The following EPHA6 variants were observed in gnomAD, a reference collection of about 807,000 sequenced individuals.
EPHA6 encodes the protein ephrin type-A receptor 6.
Under a neutral mutation model 112.0 loss-of-function variants are expected in EPHA6, and 50 were observed. That is an observed-to-expected ratio of 0.45 (90% confidence interval 0.36 to 0.56). The LOEUF (loss-of-function observed/expected upper bound fraction) is 0.56, where lower values mean the gene tolerates loss of function less well. Ranked by LOEUF, EPHA6 falls within the 20% of genes least tolerant of loss-of-function variation. The probability of loss-of-function intolerance (pLI) is 0.00; values close to 1 mark genes in which losing one functional copy is unlikely to be tolerated. For synonymous variants in EPHA6, 529 were observed against 490.7 expected (o/e 1.08, Z -1.03); for missense variants, 1,280 against 1,417.4 (o/e 0.90, Z 1.56).
At chr3:96,970,287 C>T (rs567378317) in intron 2 of EPHA6, among the ~76,000 whole-genome samples, 30 of 147,678 alleles carry the variant, frequency 2.0e-4, no homozygotes, top group African/African-American at 6.9e-4. Flanking sequence ...ACACACAGAG[C>T]GAGAGAGAGA....
intron 2 of EPHA6, among the ~76,000 whole-genome samples, chr3:96,936,669 T>A (rs985295638): frequency 2.0e-5 from 3 of 152,116 alleles, no homozygotes; most frequent in Admixed American, 6.6e-5. Context: ...GCAGGTTTGT[T>A]ACATACGTAC....
intron 12 of EPHA6, among the ~76,000 whole-genome samples, chr3:97,596,354 A>G (rs1299707915): frequency 6.6e-6 from 1 of 152,208 alleles, no homozygotes; most frequent in Non-Finnish European, 1.5e-5. Context: ...GTCTTAGACT[A>G]GTGGATCACA....
intron 5 of EPHA6, among the ~76,000 whole-genome samples, chr3:97,351,511 A>G (rs989151543): frequency 1.2e-4 from 18 of 152,240 alleles, no homozygotes; most frequent in African/African-American, 4.1e-4. Flanking sequence ...AAGTTTTATC[A>G]TATTCAATTT....
intron 10 of EPHA6, among the ~76,000 whole-genome samples, chr3:97,484,420 C>A (rs947118173): frequency 6.6e-6 from 1 of 152,038 alleles, no homozygotes; most frequent in East Asian, 1.9e-4. Context: ...TGACCATGAG[C>A]CTCTGCAAGA....
intron 2 of EPHA6, among the ~76,000 whole-genome samples, chr3:96,881,440 TGA>T (rs2107510298): frequency 1.3e-5 from 2 of 152,284 alleles, no homozygotes; most frequent in African/African-American, 4.8e-5. Context: ...TCAGGTCTCC[TGA>T]GACTTATTCA....
intron 11 of EPHA6, among the ~76,000 whole-genome samples, chr3:97,584,231 A>G (rs533144767): frequency 2.0e-4 from 31 of 152,308 alleles, no homozygotes; most frequent in African/African-American, 7.0e-4. Context: ...TTGAGCTCCT[A>G]CCATGCACAA....
chr3:96,903,796 G>A (rs1273037168), intron 2 of EPHA6, among the ~76,000 whole-genome samples: 1 of 152,070 alleles, frequency 6.6e-6, no homozygotes, highest in Non-Finnish European at 1.5e-5. Context: ...AGTGGGCAAA[G>A]GAAATGAATA....
At chr3:97,460,423 A>G (rs976947840) in intron 7 of EPHA6, among the ~76,000 whole-genome samples, 4 of 152,226 alleles carry the variant, frequency 2.6e-5, no homozygotes, top group African/African-American at 4.8e-5. Flanking sequence ...CCCATTCTGT[A>G]CATACTCAGG....
intron 4 of EPHA6, among the ~76,000 whole-genome samples, chr3:97,230,624 C>T (rs1299059473): frequency 6.6e-6 from 1 of 152,096 alleles, no homozygotes. Context: ...TTAGTTGAGA[C>T]AGACTCCAGT....
At chr3:97,008,650 T>C (rs148032809) in intron 3 of EPHA6, among the ~76,000 whole-genome samples, 1 of 152,348 alleles carries the variant, frequency 6.6e-6, no homozygotes, top group African/African-American at 2.4e-5. Context: ...TTCTGTGCCC[T>C]TGATGGAGAG....
At chr3:97,522,357 T>C (rs1170094720) in intron 10 of EPHA6, among the ~76,000 whole-genome samples, 1 of 152,214 alleles carries the variant, frequency 6.6e-6, no homozygotes, top group Non-Finnish European at 1.5e-5. Flanking sequence ...CATTTATTGG[T>C]TTTGGTAAGT....
At chr3:97,651,805 A>C (rs2094109234) in intron 14 of EPHA6, among the ~76,000 whole-genome samples, 1 of 152,134 alleles carries the variant, frequency 6.6e-6, no homozygotes, top group African/African-American at 2.4e-5. Flanking sequence ...ACAGAAAAAA[A>C]GACAAAGTAA....
chr3:97,334,150 C>T (rs2082939875), intron 5 of EPHA6, among the ~76,000 whole-genome samples: 1 of 151,864 alleles, frequency 6.6e-6, no homozygotes, highest in Admixed American at 6.6e-5. Flanking sequence ...GGAAGAAATC[C>T]CACCTGGTCG....
At chr3:97,041,847 A>G (rs982857447) in intron 3 of EPHA6, among the ~76,000 whole-genome samples, 3 of 152,022 alleles carry the variant, frequency 2.0e-5, no homozygotes, top group East Asian at 1.9e-4. Context: ...CTCACTCACT[A>G]TCATGCGAAC....
intron 11 of EPHA6, among the ~76,000 whole-genome samples, chr3:97,550,606 A>C (rs1398552263): frequency 6.6e-6 from 1 of 152,196 alleles, no homozygotes; most frequent in Non-Finnish European, 1.5e-5. Context: ...TTCTGCAAGA[A>C]TTAAAACATC....
chr3:97,380,582 C>A (rs1470396832), intron 5 of EPHA6, among the ~76,000 whole-genome samples: 1 of 152,076 alleles, frequency 6.6e-6, no homozygotes, highest in Non-Finnish European at 1.5e-5. Context: ...TGGAAACAGT[C>A]TGAGATATAC....
intron 3 of EPHA6, among the ~76,000 whole-genome samples, chr3:97,019,325 T>C (rs528325224): frequency 2.0e-5 from 3 of 152,318 alleles, no homozygotes; most frequent in Admixed American, 1.3e-4. Context: ...TGGGTGCTTC[T>C]TTCTGTGGCC....
rs146775260 is a variant in EPHA6, at chr3:97,604,261, C to G, written c.2513-6532C>G. 2.9e-4 allele frequency among the ~76,000 whole-genome samples: 44 copies of G among 151,774 alleles called. No individual in the cohort carries two copies. The East Asian group carries it at 6.4e-3, about 22-fold the overall frequency. On this transcript the variant is annotated intron_variant, in intron 12 of 17. Coordinates refer to ENST00000389672, the MANE Select transcript of EPHA6 (RefSeq NM_001080448.3). ...ACTTGTCCAAAGGGGAAAACATCTC[C>G]AATATCAGGCTATGTGACTCTAATC...
chr3:97,063,147 C>T (rs1167861916), intron 3 of EPHA6, among the ~76,000 whole-genome samples: 2 of 152,040 alleles, frequency 1.3e-5, no homozygotes, highest in Non-Finnish European at 2.9e-5. Flanking sequence ...TGTGGCAATT[C>T]CTCAAAGACC....
Sources: allele counts gnomAD v4.1 joint callset (sites outside exome capture counted in the v4.1 genomes callset), GRCh38; gene constraint gnomAD v4.1.1; transcripts MANE v1.5; gene names NCBI Gene and HGNC (gene_info 2026-07-23, HGNC 2026-07-21).